Variants in ABLIM1 observed in about 807,000 individuals in gnomAD.
ABLIM1 encodes the protein actin binding LIM protein 1, also known as actin-binding LIM protein 1.
ABLIM1 carries 40 observed loss-of-function variants against 107.0 expected under a neutral mutation model. The observed-to-expected ratio is 0.37, with a 90% CI of 0.29 to 0.49. ABLIM1 has a LOEUF of 0.49. Ranked by LOEUF, ABLIM1 falls within the 20% of genes least tolerant of loss-of-function variation. The pLI is 0.97. For missense variants in ABLIM1, 857 were observed against 1,008.5 expected (o/e 0.85, Z 2.04); for synonymous variants, 357 against 357.3 (o/e 1.00, Z 0.01).
intron 1 of ABLIM1, among the ~76,000 whole-genome samples, chr10:114,679,428 A>G (rs1591811640): frequency 6.6e-6 from 1 of 152,048 alleles, no homozygotes; most frequent in East Asian, 1.9e-4. Context: ...TGAGGTCGGG[A>G]GTTTGAGACC....
At chr10:114,568,918 A>T (rs1171245061) in intron 4 of ABLIM1, among the ~76,000 whole-genome samples, 2 of 152,356 alleles carry the variant, frequency 1.3e-5, no homozygotes, top group East Asian at 1.9e-4. Context: ...TAGATAAAGA[A>T]ATTTAATAAA....
intron 12 of ABLIM1, among the ~76,000 whole-genome samples, chr10:114,461,010 A>G (rs2063775756): frequency 1.3e-5 from 2 of 152,234 alleles, no homozygotes; most frequent in Admixed American, 6.5e-5. Context: ...ATTTTAATGA[A>G]TCAATAATGC....
At chr10:114,741,197 C>A (rs1219854115) in intron 1 of ABLIM1, among the ~76,000 whole-genome samples, 1 of 145,912 alleles carries the variant, frequency 6.9e-6, no homozygotes, top group Non-Finnish European at 1.5e-5. Flanking sequence ...CTTGATAACA[C>A]CTTGATAGGA....
chr10:114,470,530 G>T (rs1313694789), intron 10 of ABLIM1, among the ~76,000 whole-genome samples: 1 of 151,846 alleles, frequency 6.6e-6, no homozygotes, highest in African/African-American at 2.4e-5. Flanking sequence ...TCTCTCAGTT[G>T]CAAGATGCAA....
At chr10:114,604,423 C>A (rs868483476) in intron 1 of ABLIM1, among the ~76,000 whole-genome samples, 4 of 152,202 alleles carry the variant, frequency 2.6e-5, no homozygotes, top group Non-Finnish European at 5.9e-5. Flanking sequence ...GTAAAGGGGA[C>A]ACACGTAGCA....
intron 1 of ABLIM1, among the ~76,000 whole-genome samples, chr10:114,723,718 C>A (rs140937162): frequency 7.9e-5 from 12 of 152,230 alleles, no homozygotes; most frequent in Non-Finnish European, 1.6e-4. Flanking sequence ...GCTTTGTCTA[C>A]ACAGCACACA....
intron 6 of ABLIM1, among the ~76,000 whole-genome samples, chr10:114,508,128 T>C (rs1367104369): frequency 6.6e-6 from 1 of 152,210 alleles, no homozygotes; most frequent in African/African-American, 2.4e-5. Context: ...CCAGGCTTTG[T>C]TGCATTTCAT....
At chr10:114,656,269 C>CAAAAAAAAAAAAAAA (rs71007486) in intron 1 of ABLIM1, among the ~76,000 whole-genome samples, 1 of 63,574 alleles carries the variant, frequency 1.6e-5, no homozygotes, top group Admixed American at 2.0e-4. Context: ...AACTCCGTCT[C>CAAAAAAAAAAAAAAA]AAAAAAAAAA....
intron 1 of ABLIM1, among the ~76,000 whole-genome samples, chr10:114,669,041 T>G (rs2080142762): frequency 6.6e-6 from 1 of 152,246 alleles, no homozygotes; most frequent in Non-Finnish European, 1.5e-5. Context: ...CAAACATTTA[T>G]GAACTTTGGA....
intron 12 of ABLIM1, among the ~76,000 whole-genome samples, chr10:114,463,877 C>A (rs953750809): frequency 4.6e-5 from 7 of 152,164 alleles, no homozygotes; most frequent in African/African-American, 1.7e-4. Flanking sequence ...TTTGGAAGGG[C>A]AGCCTTCAAA....
chr10:114,548,043 G>GT (rs2067589761), intron 4 of ABLIM1, among the ~76,000 whole-genome samples: 1 of 152,164 alleles, frequency 6.6e-6, no homozygotes, highest in Non-Finnish European at 1.5e-5. Flanking sequence ...TTACTTGGGG[G>GT]TTTTTTAATG....
chr10:114,630,886 A>T (rs2078131464), intron 1 of ABLIM1, among the ~76,000 whole-genome samples: 1 of 152,232 alleles, frequency 6.6e-6, no homozygotes, highest in African/African-American at 2.4e-5. Flanking sequence ...GGTCCCTAAG[A>T]CATAATAAAA....
chr10:114,503,089 A>G (rs1308883542), intron 6 of ABLIM1, among the ~76,000 whole-genome samples: 2 of 152,170 alleles, frequency 1.3e-5, no homozygotes, highest in Non-Finnish European at 2.9e-5. Flanking sequence ...CTAAATCTCA[A>G]TTCCTTTGTG....
At chr10:114,651,149 G>A (rs147643056) in intron 1 of ABLIM1, among the ~76,000 whole-genome samples, 6 of 152,240 alleles carry the variant, frequency 3.9e-5, no homozygotes, top group East Asian at 3.9e-4. Context: ...ATTTAATGCC[G>A]AATTGTATTC....
At chr10:114,609,773 T>C (rs183696543) in intron 1 of ABLIM1, among the ~76,000 whole-genome samples, 1 of 152,206 alleles carries the variant, frequency 6.6e-6, no homozygotes, top group African/African-American at 2.4e-5. Flanking sequence ...TATATTATTA[T>C]AACAAGTAAA....
chr10:114,487,841 T>C, intron 8 of ABLIM1, 117 bp downstream of exon 8: 1 of 1,292,790 alleles, frequency 7.7e-7, no homozygotes. Context: ...CTTAGTTTGC[T>C]ATAAGGGAAA....
intron 6 of ABLIM1, among the ~76,000 whole-genome samples, chr10:114,507,350 T>A (rs1333538592): frequency 1.3e-5 from 2 of 152,064 alleles, no homozygotes; most frequent in East Asian, 3.9e-4. Context: ...GAAAAATAAA[T>A]CTGAAGAAGG....
chr10:114,751,103 A>C (rs1484185607), intron 1 of ABLIM1, among the ~76,000 whole-genome samples: 1 of 152,180 alleles, frequency 6.6e-6, no homozygotes, highest in East Asian at 1.9e-4. Context: ...GAATACCCAA[A>C]GAGGTAATCC....
intron 5 of ABLIM1, 21 bp downstream of exon 5, chr10:114,547,629 C>T (rs750738604): frequency 4.3e-6 from 7 of 1,612,708 alleles, no homozygotes; most frequent in Admixed American, 1.7e-5. Flanking sequence ...GAAAGGAACG[C>T]GTGCCCGCGC....
Sources: gnomAD v4.1 joint callset for allele counts (sites outside exome capture counted in the v4.1 genomes callset) on GRCh38, gnomAD v4.1.1 for gene constraint, MANE v1.5 for transcripts, NCBI Gene and HGNC (gene_info 2026-07-23, HGNC 2026-07-21) for gene names.